FBXL7: variants seen among roughly 807,000 people sequenced by gnomAD.
The protein encoded by FBXL7 is F-box and leucine rich repeat protein 7.
FBXL7 carries 12 observed loss-of-function variants against 38.3 expected under a neutral mutation model. The ratio of observed to expected loss-of-function variants is 0.31; its 90% CI spans 0.20 to 0.51. The LOEUF (loss-of-function observed/expected upper bound fraction) is 0.51. Ranked by LOEUF, FBXL7 falls within the 20% of genes least tolerant of loss-of-function variation. The pLI is 0.98. For missense variants in FBXL7, 567 were observed against 676.4 expected, an observed-to-expected ratio of 0.84 and a Z score of 1.79; for synonymous variants, 297 against 300.9, an observed-to-expected ratio of 0.99 and a Z score of 0.13.
intron 2 of FBXL7, among the ~76,000 whole-genome samples, chr5:15,717,051 T>G (rs950415025): frequency 2.6e-5 from 4 of 152,222 alleles, no homozygotes; most frequent in African/African-American, 9.6e-5. Context: ...TATTTTTAGC[T>G]TTGGTATGAC....
chr5:15,840,845 CAAAA>C (rs34448584), intron 2 of FBXL7, among the ~76,000 whole-genome samples: 17 of 83,286 alleles, frequency 2.0e-4, no homozygotes, highest in African/African-American at 6.8e-4. Flanking sequence ...GACTCTGTCT[CAAAA>C]AAAAAAAAAA....
intron 2 of FBXL7, among the ~76,000 whole-genome samples, chr5:15,707,802 T>G (rs1743738439): frequency 6.6e-6 from 1 of 152,160 alleles, no homozygotes; most frequent in African/African-American, 2.4e-5. Flanking sequence ...TCTTGCAGCA[T>G]CTGGGTGTGC....
At chr5:15,698,970 G>A (rs1743434915) in intron 2 of FBXL7, among the ~76,000 whole-genome samples, 1 of 152,122 alleles carries the variant, frequency 6.6e-6, no homozygotes, top group South Asian at 2.1e-4. Context: ...ATGGAACTCA[G>A]GAACTTGTCT....
At chr5:15,600,991 C>T (rs1426138032) in intron 1 of FBXL7, among the ~76,000 whole-genome samples, 6 of 152,170 alleles carry the variant, frequency 3.9e-5, no homozygotes, top group Non-Finnish European at 7.3e-5. Context: ...GTATTTTCTC[C>T]ACTGTTTCCC....
intron 1 of FBXL7, among the ~76,000 whole-genome samples, chr5:15,537,433 C>A (rs1438003957): frequency 1.3e-5 from 2 of 151,928 alleles, no homozygotes; most frequent in African/African-American, 4.8e-5. Flanking sequence ...TTATATAAAC[C>A]CTTAAACCAT....
At chr5:15,611,221 C>A (rs552868118) in intron 1 of FBXL7, among the ~76,000 whole-genome samples, 1 of 152,038 alleles carries the variant, frequency 6.6e-6, no homozygotes, top group Non-Finnish European at 1.5e-5. Context: ...ACACACCTTC[C>A]CATATAAGGC....
At chr5:15,787,757 T>C (rs1056098765) in intron 2 of FBXL7, among the ~76,000 whole-genome samples, 4 of 152,296 alleles carry the variant, frequency 2.6e-5, no homozygotes, top group African/African-American at 9.6e-5. Context: ...TCAGGGATGT[T>C]CTGAAAACTC....
At chr5:15,541,762 C>T (rs1167399446) in intron 1 of FBXL7, among the ~76,000 whole-genome samples, 1 of 151,616 alleles carries the variant, frequency 6.6e-6, no homozygotes, top group East Asian at 1.9e-4. Flanking sequence ...CCAGGCTGGT[C>T]TTGAACTCCT....
chr5:15,746,792 T>A lies in FBXL7; in HGVS notation c.127+130720T>A, dbSNP rs370570023. ...GGCCTTTGTTTTTTCTAATTTGCTG[T>A]AGACTGATGCTTTTAAATACAATAA... is the stretch of plus-strand genomic sequence containing the variant. On this transcript the variant is annotated intron_variant, in intron 2 of 3. Transcript: ENST00000504595. 4.8e-4 allele frequency among the ~76,000 whole-genome samples: 73 copies of A among 152,288 alleles called. 2 individuals are homozygous for A. The South Asian group carries it at 0.015, about 30-fold the overall frequency.
chr5:15,541,050 A>ATG (rs113578475), intron 1 of FBXL7, among the ~76,000 whole-genome samples: 2,187 of 149,228 alleles, frequency 0.015, 20 homozygotes, highest in Non-Finnish European at 0.022. Context: ...ATGTGTCGGA[A>ATG]TGTGTGTGTG....
chr5:15,877,989 A>AG (rs1337803579), intron 2 of FBXL7, among the ~76,000 whole-genome samples: 2 of 152,162 alleles, frequency 1.3e-5, no homozygotes, highest in Non-Finnish European at 2.9e-5. Context: ...CTAGTCCTAA[A>AG]GGGGCGAGGT....
chr5:15,618,710 ACT>A (rs1740529882), intron 2 of FBXL7, among the ~76,000 whole-genome samples: 1 of 152,132 alleles, frequency 6.6e-6, no homozygotes, highest in Non-Finnish European at 1.5e-5. Context: ...CTAGGAAACC[ACT>A]GAGGAAGAAG....
intron 2 of FBXL7, among the ~76,000 whole-genome samples, chr5:15,787,367 G>T (rs1737158936): frequency 1.3e-5 from 2 of 152,160 alleles, no homozygotes; most frequent in South Asian, 4.1e-4. Flanking sequence ...GCCTGGAAAG[G>T]TCTTTTAAGG....
chr5:15,706,848 C>T (rs1743693495), intron 2 of FBXL7, among the ~76,000 whole-genome samples: 1 of 151,998 alleles, frequency 6.6e-6, no homozygotes, highest in Non-Finnish European at 1.5e-5. Context: ...AGCATGGATG[C>T]TGTGGTGGGC....
intron 2 of FBXL7, among the ~76,000 whole-genome samples, chr5:15,817,172 T>C (rs1392480181): frequency 6.6e-6 from 1 of 152,144 alleles, no homozygotes; most frequent in Non-Finnish European, 1.5e-5. Flanking sequence ...TTTGAAAACA[T>C]AGTGAGAGGG....
At chr5:15,569,284 T>C (rs1481745112) in intron 1 of FBXL7, among the ~76,000 whole-genome samples, 1 of 151,386 alleles carries the variant, frequency 6.6e-6, no homozygotes, top group Non-Finnish European at 1.5e-5. Flanking sequence ...GGTTTGTAGT[T>C]CTCCTTGAAG....
intron 1 of FBXL7, among the ~76,000 whole-genome samples, chr5:15,581,783 T>C (rs1739148854): frequency 6.6e-6 from 1 of 151,908 alleles, no homozygotes; most frequent in Non-Finnish European, 1.5e-5. Flanking sequence ...TGCCACACAG[T>C]TGTGTGTGAA....
chr5:15,892,991 C>G (rs563394925), intron 2 of FBXL7, among the ~76,000 whole-genome samples: 38 of 151,984 alleles, frequency 2.5e-4, no homozygotes, highest in African/African-American at 8.7e-4. Context: ...TGGTGGGCAC[C>G]TGTAGTCCCA....
At chr5:15,685,670 T>C (rs1424083119) in intron 2 of FBXL7, among the ~76,000 whole-genome samples, 3 of 152,230 alleles carry the variant, frequency 2.0e-5, no homozygotes, top group Non-Finnish European at 4.4e-5. Flanking sequence ...CTCCTTACCA[T>C]GTGTATAACT....
Sources: allele counts gnomAD v4.1 joint callset (sites outside exome capture counted in the v4.1 genomes callset), GRCh38; gene constraint gnomAD v4.1.1; transcripts MANE v1.5; gene names NCBI Gene and HGNC (gene_info 2026-07-23, HGNC 2026-07-21).